The following ITGA8 variants were observed in gnomAD, a reference collection of about 807,000 sequenced individuals.
ITGA8 encodes the protein integrin alpha-8.
A neutral mutation model predicts 142.3 loss-of-function variants in ITGA8; 91 were observed. That is an observed-to-expected ratio of 0.64 (90% CI 0.54 to 0.76). The LOEUF (loss-of-function observed/expected upper bound fraction) is 0.76, where lower values mean the gene tolerates loss of function less well. ITGA8 is among the 30% of genes least tolerant of loss of function. ITGA8 has a pLI of 0.00. For missense variants in ITGA8, 1,406 were observed against 1,327.7 expected, an observed-to-expected ratio of 1.06 and a Z score of -0.92; for synonymous variants, 505 against 485.2, an observed-to-expected ratio of 1.04 and a Z score of -0.54.
chr10:15,570,889 T>C (rs1834168833), intron 25 of ITGA8, among the ~76,000 whole-genome samples: 1 of 152,198 alleles, frequency 6.6e-6, no homozygotes, highest in Non-Finnish European at 1.5e-5. Flanking sequence ...TGCAGAATCA[T>C]GTGCTCAAAG....
rs9333110 is a variant in ITGA8 at position 15,661,145 on chromosome 10, G to A, written c.848-223C>T. 2.6e-3 allele frequency among the ~76,000 whole-genome samples: 393 copies of A among 152,290 alleles called. 1 individual carries two copies. Among genetic ancestry groups the A allele is most frequent in the African/African-American group, 8.9e-3 (368 of 41,570 alleles). On this transcript the variant is annotated intron_variant, in intron 8 of 29. Transcript: ENST00000378076. ...AGGTGAGCCTCAGGCGAGCCAGAAC[G>A]AAGCTTCATCTGTATTTACAGACAC... is the stretch of plus-strand genomic sequence containing the variant.
intron 13 of ITGA8, among the ~76,000 whole-genome samples, chr10:15,626,807 A>G (rs769511879): frequency 1.3e-5 from 2 of 152,210 alleles, no homozygotes; most frequent in Non-Finnish European, 2.9e-5. Flanking sequence ...ACCATCTACA[A>G]GCCAAAGAGA....
rs535756524 is a variant in ITGA8, at chr10:15,716,882, G to A, written c.343+1884C>T. ...TCACCATGTTGGTCAGGCTGGTCTT[G>A]AACTCCTGACCTCAAGTGATCCACC... On this transcript the variant is annotated intron_variant, in intron 2 of 29. Transcript: ENST00000378076. Among the ~76,000 whole-genome samples, 184 of 152,146 alleles carry A rather than the reference G, an allele frequency of 1.2e-3. 1 individual carries two copies. The highest frequency in any genetic ancestry group is 4.3e-3 in the African/African-American group (178 of 41,506).
Position 15,531,162 on chromosome 10 carries a change from AAG to A in ITGA8, c.2881-13_2881-12del. 1 of 1,348,112 alleles carries A rather than the reference AAG, an allele frequency of 7.4e-7. No individual in the cohort carries two copies. Among genetic ancestry groups the A allele is most frequent in the Non-Finnish European group, 1.0e-6 (1 of 993,734 alleles). 83.5% of individuals were successfully genotyped at this position (1,348,112 alleles called of 1,614,324 possible). The stretch of plus-strand genomic sequence containing the variant: ...GGGATCATTTTTTCTCTGAAAGTAA[AAG>A]TATTTATTTAAATATATTTCATATA... On this transcript the variant is annotated splice_polypyrimidine_tract_variant and intron_variant, in intron 27 of 29. Coordinates refer to ENST00000378076, the MANE Select transcript of ITGA8 (RefSeq NM_003638.3).
chr10:15,558,185 C>A lies in ITGA8; in HGVS notation c.2655G>T (p.Glu885Asp). 6.2e-7 allele frequency: 1 copy of A among 1,614,150 alleles called. No individual in the cohort carries two copies. Among genetic ancestry groups the A allele is most frequent in the Non-Finnish European group, 8.5e-7 (1 of 1,180,028 alleles). The part of the protein sequence containing the change: ...PQDIKPAASP[E>D]DTPELSAFLR... ...AAAAGGCGCTGAGCTCAGGGGTGTC[C>A]TCTGGGGAGGCAGCAGGCTGCAAAA... Residue 885 changes from glutamate (E) to aspartate (D), a missense_variant, in exon 26 of 30, where the codon GAG becomes GAT. By Grantham distance (45) the Glu-to-Asp change is conservative (BLOSUM62 2). Transcript: ENST00000378076.
chr10:15,541,254 GA>G (rs1316020272), intron 27 of ITGA8, among the ~76,000 whole-genome samples: 1 of 152,158 alleles, frequency 6.6e-6, no homozygotes. Flanking sequence ...CCTGTCACCT[GA>G]AAAGGCAACA....
intron 20 of ITGA8, 85 bp from the exon 21 acceptor site, chr10:15,597,384 C>T: frequency 9.4e-7 from 1 of 1,061,930 alleles, no homozygotes. Context: ...TGGGAGCTCC[C>T]CTGGATCTCA....
chr10:15,521,735 C>T (rs371535359), intron 28 of ITGA8, among the ~76,000 whole-genome samples: 1 of 152,350 alleles, frequency 6.6e-6, no homozygotes, highest in East Asian at 1.9e-4. Flanking sequence ...ACACTCTGCG[C>T]ACCACTGTTT....
chr10:15,519,261 TA>T (rs1449677623), intron 29 of ITGA8, 28 bp downstream of exon 29: 1 of 1,611,580 alleles, frequency 6.2e-7, no homozygotes, highest in Non-Finnish European at 8.5e-7. Context: ...CCCTCTAGTT[TA>T]AAAGGAAAAC....
chr10:15,701,048 G>C (rs1385551215), intron 2 of ITGA8, among the ~76,000 whole-genome samples: 1 of 152,142 alleles, frequency 6.6e-6, no homozygotes, highest in African/African-American at 2.4e-5. Flanking sequence ...AAACATAGTA[G>C]ATCATCAGTG....
At chr10:15,707,264 T>G (rs1350673036) in intron 2 of ITGA8, among the ~76,000 whole-genome samples, 5 of 152,138 alleles carry the variant, frequency 3.3e-5, no homozygotes, top group Non-Finnish European at 7.3e-5. Flanking sequence ...GATCATACAT[T>G]TGGACCTAAT....
intron 2 of ITGA8, among the ~76,000 whole-genome samples, chr10:15,714,953 AAGT>A (rs1835423975): frequency 6.6e-6 from 1 of 152,204 alleles, no homozygotes; most frequent in African/African-American, 2.4e-5. Flanking sequence ...GTCGTAGTAA[AAGT>A]AGGGTAAAAG....
chr10:15,519,517 A>G, intron 28 of ITGA8, 105 bp from the exon 29 acceptor site: 2 of 1,223,450 alleles, frequency 1.6e-6, no homozygotes, highest in Non-Finnish European at 2.4e-6. Context: ...AAGGATCCAT[A>G]TGACAATTGA....
At chr10:15,665,319 G>C (rs1042880952) in intron 8 of ITGA8, among the ~76,000 whole-genome samples, 1 of 152,128 alleles carries the variant, frequency 6.6e-6, no homozygotes, top group Admixed American at 6.6e-5. Flanking sequence ...GTCTTCTTTT[G>C]AGAAATGTCT....
chr10:15,700,671 A>G (rs953332005), intron 2 of ITGA8, among the ~76,000 whole-genome samples: 13 of 152,222 alleles, frequency 8.5e-5, no homozygotes, highest in African/African-American at 2.4e-5. Context: ...CTATATATCC[A>G]ACAAAGGACT....
chr10:15,684,950 T>TATGATTTTAAACA (rs1365551531), intron 3 of ITGA8, among the ~76,000 whole-genome samples: 1 of 152,186 alleles, frequency 6.6e-6, no homozygotes, highest in Non-Finnish European at 1.5e-5. Flanking sequence ...AGCCGCATCT[T>TATGATTTTAAACA]ATGACTTTTA....
At chr10:15,527,774 C>T (rs1276393583) in intron 28 of ITGA8, among the ~76,000 whole-genome samples, 1 of 152,072 alleles carries the variant, frequency 6.6e-6, no homozygotes, top group African/African-American at 2.4e-5. Flanking sequence ...GGAAAACAAG[C>T]AAATAGTAGT....
chr10:15,635,981 G>A (rs1833766618), intron 13 of ITGA8, among the ~76,000 whole-genome samples: 2 of 149,212 alleles, frequency 1.3e-5, no homozygotes. Context: ...AAAGATAATG[G>A]GTTATTTTAT....
At chr10:15,614,284 T>A (rs1650726672) in intron 14 of ITGA8, among the ~76,000 whole-genome samples, 1 of 152,138 alleles carries the variant, frequency 6.6e-6, no homozygotes, top group African/African-American at 2.4e-5. Context: ...CTTTGCAAAT[T>A]TAGCTAAATA....
Sources: allele counts gnomAD v4.1 joint callset (sites outside exome capture counted in the v4.1 genomes callset), GRCh38; gene constraint gnomAD v4.1.1; transcripts MANE v1.5; gene names NCBI Gene and HGNC (gene_info 2026-07-23, HGNC 2026-07-21).